The following KLHL36 variants were observed in gnomAD, a reference collection of about 807,000 sequenced individuals.
KLHL36 encodes the protein kelch-like protein 36.
A neutral mutation model predicts 53.3 loss-of-function variants in KLHL36; 35 were observed. That is an observed-to-expected ratio of 0.66 (90% CI 0.50 to 0.87). The LOEUF is 0.87. Among genes scored for constraint, KLHL36 ranks in the 40% least tolerant of loss-of-function variants. The pLI, the probability that KLHL36 is intolerant of heterozygous loss-of-function variation, is 0.00. For synonymous variants in KLHL36, 472 were observed against 398.9 expected (o/e 1.18, Z -2.18); for missense variants, 864 against 897.6 (o/e 0.96, Z 0.48).
rs1055631362 is a variant in KLHL36, at chr16:84,664,408, G to A, written c.*2275G>A. 1 of 152,196 alleles carries A rather than the reference G, an allele frequency of 6.6e-6. No individual in the cohort carries two copies. Among genetic ancestry groups the A allele is most frequent in the Non-Finnish European group, 1.5e-5 (1 of 68,046 alleles). The allele number at this position is 152,196 out of a possible 1,614,324, so 9.4% of individuals were successfully genotyped here. On this transcript the variant is annotated 3_prime_UTR_variant, in exon 5 of 5. Transcript: ENST00000564996. ...GGAGAGCCATTGGTTTTCAGCCTAA[G>A]CCAGCTCTTTTATGTTTTGCTTCTG...
chr16:84,650,388 C>T (rs1039849247), intron 1 of KLHL36, among the ~76,000 whole-genome samples: 4 of 152,112 alleles, frequency 2.6e-5, no homozygotes, highest in Non-Finnish European at 5.9e-5. Context: ...GCGTGATTCT[C>T]GGCCGTTTAC....
intron 1 of KLHL36, among the ~76,000 whole-genome samples, chr16:84,649,535 C>T (rs1196497252): frequency 1.3e-5 from 2 of 152,214 alleles, no homozygotes; most frequent in East Asian, 1.9e-4. Context: ...GCGGTGGGCA[C>T]CGCACCAACG....
At position 84,657,126 on chromosome 16, in the gene KLHL36, G is replaced by A. The variant is rs753127233; in HGVS notation, c.319G>A (p.Gly107Arg). The A allele has an allele frequency of 2.8e-5, 46 of 1,614,174 alleles. No individual in the cohort carries two copies. Among genetic ancestry groups the A allele is most frequent in the East Asian group, 4.5e-5 (2 of 44,890 alleles). The change falls in exon 3 of 5, where the codon GGG (glycine) becomes AGG (arginine). Residue 107 changes from glycine (G) to arginine (R), a missense_variant. Transcript: ENST00000564996. Reference protein sequence around the residue: ...LKAVVDFLYGGELVLDGGNID... With the variant: ...LKAVVDFLYGRELVLDGGNID... ...GGCCGTGGTGGACTTCCTGTACGGC[G>A]GGGAGCTGGTGCTGGATGGCGGCAA...
In KLHL36 at chr16:84,667,194, C is replaced by T. The variant is rs1907889188; in HGVS notation, c.*5061C>T. On this transcript the variant is annotated 3_prime_UTR_variant, in exon 5 of 5. Coordinates refer to ENST00000564996, the MANE Select transcript of KLHL36 (RefSeq NM_024731.4). Reference sequence around the variant, plus strand: ...CTTGTCTGTTTCCTTTGAGAAAGGACACTCCACCTTTTCAAAGGTACTTAA... The same window carrying T: ...CTTGTCTGTTTCCTTTGAGAAAGGATACTCCACCTTTTCAAAGGTACTTAA... 1 of 152,230 alleles carries T rather than the reference C, an allele frequency of 6.6e-6. No homozygotes were observed. The highest frequency in any genetic ancestry group is 1.9e-4 in the East Asian group (1 of 5,180). 9.4% of individuals were successfully genotyped at this position (152,230 alleles called of 1,614,324 possible).
chr16:84,659,122 C>G (rs941663052), intron 3 of KLHL36: 2 of 152,370 alleles, frequency 1.3e-5, no homozygotes, highest in Non-Finnish European at 1.5e-5. Flanking sequence ...GCGCCTCAAC[C>G]TACTGAGTAG....
rs574058365 is a variant in KLHL36 at position 84,661,872 on chromosome 16, G to A, written c.1590G>A (p.Ala530=). 5.0e-5 allele frequency: 80 copies of A among 1,600,192 alleles called. No individual in the cohort carries two copies. The African/African-American group carries it at 7.0e-4, about 14-fold the overall frequency. ...SPQCNQWTRV[A]PLLHANSESG... ...AGTGCAACCAGTGGACCCGCGTGGC[G>A]CCGCTGCTGCACGCCAACAGCGAGT... The change falls in exon 5 of 5, where the codon GCG becomes GCA. Residue 530 remains alanine (A), a synonymous_variant. Coordinates refer to ENST00000564996, the MANE Select transcript of KLHL36 (RefSeq NM_024731.4). The surrounding 1 kb of genome is among the most constrained non-coding windows in gnomAD (Gnocchi z 7.9).
chr16:84,660,826 T>G (rs912143463), intron 4 of KLHL36, among the ~76,000 whole-genome samples: 1 of 152,166 alleles, frequency 6.6e-6, no homozygotes, highest in Non-Finnish European at 1.5e-5. Context: ...TTCATCATGT[T>G]AGCCAGGCTG....
intron 3 of KLHL36, 184 bp downstream of exon 3, chr16:84,658,128 A>T: frequency 1.9e-6 from 1 of 516,372 alleles, no homozygotes; most frequent in Non-Finnish European, 3.3e-6. Context: ...GGGAGAGCCG[A>T]CCCACCCCTT....
chr16:84,654,450 C>G (rs1489457972), intron 2 of KLHL36, among the ~76,000 whole-genome samples: 1 of 152,154 alleles, frequency 6.6e-6, no homozygotes, highest in Non-Finnish European at 1.5e-5. Context: ...GAGCTGAAGA[C>G]CAGCCTGGGC....
Position 84,659,825 on chromosome 16 carries a change from C to A in KLHL36, c.1203C>A (p.Ala401=). Residue 401 remains alanine, a synonymous_variant, in exon 4 of 5, where the codon GCC becomes GCA. Transcript: ENST00000564996. The part of the protein sequence containing the change: ...YLASIEDMLV[A]IGGRNENGAL... ...CCTCCATCGAAGACATGCTGGTGGC[C>A]ATCGGCGGCCGGAATGAGAACGGAG... 2 of 1,614,110 alleles carry A rather than the reference C, an allele frequency of 1.2e-6. No individual in the cohort carries two copies. Among genetic ancestry groups the A allele is most frequent in the East Asian group, 4.5e-5 (2 of 44,880 alleles).
chr16:84,650,274 C>G (rs12920092), intron 1 of KLHL36, among the ~76,000 whole-genome samples: 8,995 of 152,220 alleles, frequency 0.059, 299 homozygotes, highest in Middle Eastern at 0.12. Context: ...ACCACATCCT[C>G]ATCTGCATCA....
In KLHL36 at chr16:84,663,743, A is replaced by G. The variant is rs1368064429; in HGVS notation, c.*1610A>G. The stretch of plus-strand genomic sequence containing the variant: ...AAAATCTTAGTTAACTTTAATTTCC[A>G]TTTCTTCTGCTTCTTTGCTGCCCCT... On this transcript the variant is annotated 3_prime_UTR_variant, in exon 5 of 5. Transcript: ENST00000564996. 1 of 152,242 alleles carries G rather than the reference A, an allele frequency of 6.6e-6. No homozygotes were observed. The highest frequency in any genetic ancestry group is 1.9e-4 in the East Asian group (1 of 5,198). The allele number at this position is 152,242 out of a possible 1,614,324, so 9.4% of individuals were successfully genotyped here.
chr16:84,658,687 G>A (rs936148921), intron 3 of KLHL36: 2 of 152,250 alleles, frequency 1.3e-5, no homozygotes, highest in Non-Finnish European at 2.9e-5. Flanking sequence ...CCTGGCGTAG[G>A]GAAGGTGTCT....
rs571472374 is a variant in KLHL36, at chr16:84,649,741, G to T, written c.-17+1092G>T. Among the ~76,000 whole-genome samples the T allele has an allele frequency of 1.8e-4, 27 of 152,332 alleles. No individual in the cohort carries two copies. The East Asian group carries it at 5.0e-3, about 28-fold the overall frequency. The stretch of plus-strand genomic sequence containing the variant: ...ATGGGAACACTGGAGTGCCCTCCCT[G>T]TGTCCCCAGTTATCTAAGAACAGTG... On this transcript the variant is annotated intron_variant, in intron 1 of 4. Transcript: ENST00000564996.
chr16:84,661,952 A>G lies in KLHL36; in HGVS notation c.1670A>G (p.Glu557Gly), dbSNP rs956530502. 6.3e-7 allele frequency: 1 copy of G among 1,599,906 alleles called. No individual in the cohort carries two copies. Among genetic ancestry groups the G allele is most frequent in the African/African-American group, 1.3e-5 (1 of 74,856 alleles). Residue 557 changes from glutamate to glycine, a missense_variant, in exon 5 of 5, where the codon GAG becomes GGG. Glu to Gly is a moderately conservative substitution (Grantham distance 98, BLOSUM62 -2). Transcript: ENST00000564996. This position sits in a 1 kb window ranked among gnomAD's most constrained non-coding sequence, Gnocchi z 7.9. ...TACATCCTGGGCGGCTACAGCTGGGAGAACACTGCCTTCTCCAAGACCGTG... is the reference window on the plus strand; with the variant it reads ...TACATCCTGGGCGGCTACAGCTGGGGGAACACTGCCTTCTCCAAGACCGTG... ...RIYILGGYSW[E>G]NTAFSKTVQV...
chr16:84,657,471 C>G lies in KLHL36; in HGVS notation c.664C>G (p.Pro222Ala). 1 of 1,606,892 alleles carries G rather than the reference C, an allele frequency of 6.2e-7. No individual in the cohort carries two copies. Among genetic ancestry groups the G allele is most frequent in the African/African-American group, 1.3e-5 (1 of 75,062 alleles). ...QAALQWLTQQ[P>A]EREAHARQVL... ...CGCCCTGCAGTGGCTGACGCAGCAGCCCGAGCGCGAGGCCCACGCCCGCCA... is the reference window on the plus strand; with the variant it reads ...CGCCCTGCAGTGGCTGACGCAGCAGGCCGAGCGCGAGGCCCACGCCCGCCA... The change falls in exon 3 of 5, where the codon CCC becomes GCC. Residue 222 changes from proline (P) to alanine (A), a missense_variant. Pro to Ala is a conservative substitution (Grantham distance 27). Coordinates refer to ENST00000564996, the MANE Select transcript of KLHL36 (RefSeq NM_024731.4).
chr16:84,655,754 C>T (rs1228578426), intron 2 of KLHL36, among the ~76,000 whole-genome samples: 1 of 151,566 alleles, frequency 6.6e-6, no homozygotes, highest in Non-Finnish European at 1.5e-5. Flanking sequence ...ACCTAATAGC[C>T]CTCGGTCAGT....
chr16:84,650,759 C>G, intron 1 of KLHL36, 93 bp from the exon 2 acceptor site: 1 of 878,654 alleles, frequency 1.1e-6, no homozygotes, highest in Non-Finnish European at 1.8e-6. Flanking sequence ...TGACTGTTTT[C>G]ACTGTCATCC....
chr16:84,653,936 T>C (rs1158228413), intron 2 of KLHL36, among the ~76,000 whole-genome samples: 2 of 151,858 alleles, frequency 1.3e-5, no homozygotes, highest in African/African-American at 2.4e-5. Flanking sequence ...TTGCAGCTGA[T>C]TGTACCCGGG....
Sources: allele counts gnomAD v4.1 joint callset (sites outside exome capture counted in the v4.1 genomes callset), GRCh38; gene constraint gnomAD v4.1.1; non-coding constraint Gnocchi (gnomAD v3.1); transcripts MANE v1.5; gene names NCBI Gene and HGNC (gene_info 2026-07-23, HGNC 2026-07-21).